The following LRRC4C variants were observed in gnomAD, a reference collection of about 807,000 sequenced individuals.
LRRC4C encodes the protein leucine rich repeat containing 4C.
In LRRC4C, 5 loss-of-function variants were observed where a neutral mutation model predicts 33.6. The observed-to-expected ratio is 0.15, with a 90% CI of 0.08 to 0.31. The LOEUF (loss-of-function observed/expected upper bound fraction) is 0.31. LRRC4C is among the 10% of genes least tolerant of loss of function. The probability of loss-of-function intolerance (pLI) is 1.00; values close to 1 mark genes in which losing one functional copy is unlikely to be tolerated. For synonymous variants in LRRC4C, 329 were observed against 302.0 expected, an observed-to-expected ratio of 1.09 and a Z score of -0.93; for missense variants, 560 against 796.7, an observed-to-expected ratio of 0.70 and a Z score of 3.58.
At chr11:41,404,567 C>T (rs887645636) in intron 1 of LRRC4C, among the ~76,000 whole-genome samples, 1 of 143,482 alleles carries the variant, frequency 7.0e-6, no homozygotes, top group African/African-American at 2.6e-5. Flanking sequence ...CACACACCCC[C>T]CGAGGTTATA....
intron 2 of LRRC4C, among the ~76,000 whole-genome samples, chr11:40,800,150 T>C (rs191170503): frequency 6.6e-4 from 101 of 152,368 alleles, no homozygotes; most frequent in African/African-American, 2.4e-3. Flanking sequence ...TTTTTTAGTT[T>C]TCTTTTTATA....
chr11:40,618,855 T>C (rs1261742698), intron 3 of LRRC4C, among the ~76,000 whole-genome samples: 1 of 151,750 alleles, frequency 6.6e-6, no homozygotes, highest in Non-Finnish European at 1.5e-5. Context: ...TGCATAAATT[T>C]AGAAAAGCAG....
At chr11:41,406,706 CCACACACACACA>C (rs112867786) in intron 1 of LRRC4C, among the ~76,000 whole-genome samples, 65 of 138,306 alleles carry the variant, frequency 4.7e-4, no homozygotes, top group African/African-American at 1.1e-3. Context: ...TACACATTCA[CCACACACACACA>C]CACACACACA....
At chr11:41,236,678 G>A (rs1403592039) in intron 1 of LRRC4C, among the ~76,000 whole-genome samples, 3 of 151,980 alleles carry the variant, frequency 2.0e-5, no homozygotes, top group African/African-American at 7.2e-5. Context: ...ATCTTCCTAT[G>A]CTTATTTCTT....
chr11:40,877,197 C>A (rs1954942476), intron 2 of LRRC4C, among the ~76,000 whole-genome samples: 1 of 152,018 alleles, frequency 6.6e-6, no homozygotes. Context: ...TCAGAAGCGA[C>A]CTCTTTGACC....
intron 3 of LRRC4C, among the ~76,000 whole-genome samples, chr11:40,414,129 G>A (rs113877495): frequency 5.1e-4 from 78 of 151,650 alleles, no homozygotes; most frequent in Non-Finnish European, 7.1e-4. Context: ...AATCATATTT[G>A]TCTTTAAATG....
chr11:40,514,290 G>A (rs1394157622), intron 3 of LRRC4C, among the ~76,000 whole-genome samples: 1 of 152,174 alleles, frequency 6.6e-6, no homozygotes, highest in Non-Finnish European at 1.5e-5. Context: ...GATGATGCAT[G>A]CAAAGGGCTT....
intron 1 of LRRC4C, among the ~76,000 whole-genome samples, chr11:41,310,803 A>G (rs1253471317): frequency 6.6e-6 from 1 of 152,178 alleles, no homozygotes; most frequent in Non-Finnish European, 1.5e-5. Flanking sequence ...GACCTGTAAT[A>G]TTTTCCATTT....
chr11:41,422,541 GC>G (rs375218729), intron 1 of LRRC4C, among the ~76,000 whole-genome samples: 236 of 151,924 alleles, frequency 1.6e-3, no homozygotes, highest in Non-Finnish European at 2.9e-3. Context: ...AAATGGCAGA[GC>G]AAAAAGATGG....
chr11:41,038,418 T>G, intron 1 of LRRC4C, among the ~76,000 whole-genome samples: 1 of 152,220 alleles, frequency 6.6e-6, no homozygotes, highest in Non-Finnish European at 1.5e-5. Flanking sequence ...ACATTTTCAA[T>G]GCTAATTTCC....
At chr11:40,601,028 C>T (rs111657399) in intron 3 of LRRC4C, among the ~76,000 whole-genome samples, 1 of 152,218 alleles carries the variant, frequency 6.6e-6, no homozygotes, top group Non-Finnish European at 1.5e-5. Flanking sequence ...TAAGATGTTG[C>T]TTTCATTATG....
chr11:41,410,380 A>C (rs938535102), intron 1 of LRRC4C, among the ~76,000 whole-genome samples: 9 of 25,962 alleles, frequency 3.5e-4, no homozygotes, highest in African/African-American at 1.3e-3. Flanking sequence ...ATTCCAAAGA[A>C]TGTTTTTTTC....
chr11:40,117,495 G>A (rs1855518131), intron 6 of LRRC4C, among the ~76,000 whole-genome samples: 1 of 152,068 alleles, frequency 6.6e-6, no homozygotes, highest in African/African-American at 2.4e-5. Context: ...TACTCTTACT[G>A]GTTTTGAGTA....
At chr11:41,345,244 A>G (rs1358527637) in intron 1 of LRRC4C, among the ~76,000 whole-genome samples, 3 of 152,156 alleles carry the variant, frequency 2.0e-5, no homozygotes, top group Non-Finnish European at 4.4e-5. Context: ...CTATATCCCT[A>G]CACTTGAAGA....
chr11:40,924,596 A>G (rs535487716), intron 2 of LRRC4C, among the ~76,000 whole-genome samples: 1 of 152,266 alleles, frequency 6.6e-6, no homozygotes, highest in African/African-American at 2.4e-5. Context: ...TAGGGTAACT[A>G]CAGTAAATAA....
intron 1 of LRRC4C, among the ~76,000 whole-genome samples, chr11:41,062,638 A>T (rs1249782621): frequency 6.6e-6 from 1 of 152,214 alleles, no homozygotes; most frequent in Non-Finnish European, 1.5e-5. Context: ...AATATTGAAA[A>T]TAATCTTTAC....
Position 40,496,651 on chromosome 11 carries a change from A to T in LRRC4C, c.-270+151491T>A, listed in dbSNP as rs1360706962. On this transcript the variant is annotated intron_variant, in intron 3 of 6. Transcript: ENST00000528697. ...CAATCATTTTTCTGCCTTCATACAC[A>T]CCTGAGTTATGTCTTCACATTCAGC... 2.0e-5 allele frequency among the ~76,000 whole-genome samples: 3 copies of T among 152,154 alleles called. No homozygotes were observed. The East Asian group carries it at 5.8e-4, about 30-fold the overall frequency.
intron 3 of LRRC4C, among the ~76,000 whole-genome samples, chr11:40,359,716 C>T (rs10430979): frequency 0.5 from 75,390 of 152,004 alleles, 19,123 homozygotes; most frequent in East Asian, 0.8. Context: ...TCTAACATAG[C>T]GCTAAAAGCT....
chr11:40,508,991 T>G (rs1955173569), intron 3 of LRRC4C, among the ~76,000 whole-genome samples: 1 of 152,196 alleles, frequency 6.6e-6, no homozygotes, highest in Non-Finnish European at 1.5e-5. Context: ...TAAAATTGTT[T>G]GTCTCTCTTG....
Sources: allele counts gnomAD v4.1 joint callset (sites outside exome capture counted in the v4.1 genomes callset), GRCh38; gene constraint gnomAD v4.1.1; transcripts MANE v1.5; gene names NCBI Gene and HGNC (gene_info 2026-07-23, HGNC 2026-07-21).